The following NKAIN2 variants were observed in gnomAD, a reference collection of about 807,000 sequenced individuals.
NKAIN2 encodes the protein sodium/potassium transporting ATPase interacting 2, also known as sodium/potassium-transporting ATPase subunit beta-1-interacting protein 2.
Under a neutral mutation model 32.6 loss-of-function variants are expected in NKAIN2, and 14 were observed. The observed-to-expected ratio is 0.43, with a 90% CI of 0.28 to 0.67. The LOEUF (loss-of-function observed/expected upper bound fraction) is 0.67. Ranked by LOEUF, NKAIN2 falls within the 30% of genes least tolerant of loss-of-function variation. The pLI is 0.17. For missense variants in NKAIN2, 198 were observed against 258.3 expected (o/e 0.77, Z 1.60); for synonymous variants, 80 against 87.2 (o/e 0.92, Z 0.46).
At chr6:123,967,066 C>A (rs1405358207) in intron 1 of NKAIN2, among the ~76,000 whole-genome samples, 6 of 152,078 alleles carry the variant, frequency 3.9e-5, no homozygotes, top group Non-Finnish European at 8.8e-5. Flanking sequence ...TCATTAGATC[C>A]CAAAGATAAC....
At chr6:123,875,009 C>T (rs1205939230) in intron 1 of NKAIN2, among the ~76,000 whole-genome samples, 7 of 151,786 alleles carry the variant, frequency 4.6e-5, no homozygotes, top group Non-Finnish European at 1.0e-4. Context: ...ACTGTTTGTA[C>T]TATTTTATAC....
chr6:124,552,662 G>GA (rs1384132216), intron 3 of NKAIN2, among the ~76,000 whole-genome samples: 2 of 152,172 alleles, frequency 1.3e-5, no homozygotes, highest in East Asian at 3.8e-4. Context: ...ATTTAAGCAG[G>GA]AAAAAATCTT....
At chr6:124,622,052 A>AAAC (rs1482151138) in intron 3 of NKAIN2, among the ~76,000 whole-genome samples, 1 of 152,226 alleles carries the variant, frequency 6.6e-6, no homozygotes, top group Non-Finnish European at 1.5e-5. Context: ...AAAAGGACAT[A>AAAC]AACTTTTTCT....
At chr6:124,224,181 A>T (rs969869999) in intron 1 of NKAIN2, among the ~76,000 whole-genome samples, 3 of 152,256 alleles carry the variant, frequency 2.0e-5, no homozygotes, top group Non-Finnish European at 4.4e-5. Flanking sequence ...TACAGTATGC[A>T]CATATTTTCA....
chr6:124,701,569 A>T (rs889563134), intron 4 of NKAIN2, among the ~76,000 whole-genome samples: 5 of 152,136 alleles, frequency 3.3e-5, no homozygotes, highest in African/African-American at 1.2e-4. Flanking sequence ...TGATAAAGTG[A>T]GTTAACTGGG....
At chr6:124,202,599 C>A (rs1790646287) in intron 1 of NKAIN2, among the ~76,000 whole-genome samples, 1 of 151,906 alleles carries the variant, frequency 6.6e-6, no homozygotes, top group African/African-American at 2.4e-5. Context: ...AATCCTGATA[C>A]TATTACTTAT....
chr6:123,962,468 A>G lies in NKAIN2; in HGVS notation c.54+158214A>G, dbSNP rs1347669122. On this transcript the variant is annotated intron_variant, in intron 1 of 6. Coordinates refer to ENST00000368417, the MANE Select transcript of NKAIN2 (RefSeq NM_001040214.3). Reference sequence around the variant, plus strand: ...TCCTGAGTCCTTTATAACCCTATTCATATTTTCAATTGCTGATGCCTCTTT... The same window carrying G: ...TCCTGAGTCCTTTATAACCCTATTCGTATTTTCAATTGCTGATGCCTCTTT... Among the ~76,000 whole-genome samples the G allele has an allele frequency of 2.0e-5, 3 of 152,266 alleles. No homozygotes were observed. The East Asian group carries it at 5.8e-4, about 29-fold the overall frequency.
At chr6:124,655,617 G>A (rs1784513287) in intron 3 of NKAIN2, among the ~76,000 whole-genome samples, 1 of 152,038 alleles carries the variant, frequency 6.6e-6, no homozygotes, top group African/African-American at 2.4e-5. Context: ...GACAGTCCCG[G>A]GCATAATGGG....
intron 3 of NKAIN2, among the ~76,000 whole-genome samples, chr6:124,419,721 T>C (rs1774661301): frequency 6.6e-6 from 1 of 152,182 alleles, no homozygotes; most frequent in African/African-American, 2.4e-5. Context: ...TCCCTCTTTG[T>C]TCCTTTCTGA....
intron 1 of NKAIN2, among the ~76,000 whole-genome samples, chr6:123,978,242 A>G (rs1205622385): frequency 1.3e-5 from 2 of 152,204 alleles, no homozygotes; most frequent in Non-Finnish European, 2.9e-5. Flanking sequence ...AAAAAAAGTG[A>G]GACGTCTCAG....
chr6:124,755,633 G>T (rs980481104), intron 4 of NKAIN2, among the ~76,000 whole-genome samples: 3 of 152,062 alleles, frequency 2.0e-5, no homozygotes, highest in Non-Finnish European at 4.4e-5. Context: ...TACCGCATTT[G>T]CTCACTTATA....
Position 124,568,484 on chromosome 6 carries a change from T to C in NKAIN2, c.274-89702T>C, listed in dbSNP as rs1291819857. On this transcript the variant is annotated intron_variant, in intron 3 of 6. Transcript: ENST00000368417. ...GGATGGCTAATATTATTTTCATTTA[T>C]AGATGAAAAAACTGAGTCTCATATA... 2.6e-5 allele frequency among the ~76,000 whole-genome samples: 4 copies of C among 152,304 alleles called. No homozygotes were observed. In the South Asian group the frequency reaches 6.2e-4, roughly 24 times the overall value.
intron 2 of NKAIN2, among the ~76,000 whole-genome samples, chr6:124,340,844 A>G (rs192529354): frequency 1.3e-5 from 2 of 152,298 alleles, no homozygotes; most frequent in Non-Finnish European, 2.9e-5. Flanking sequence ...ATAGGAATGT[A>G]AATATCTTGG....
intron 3 of NKAIN2, among the ~76,000 whole-genome samples, chr6:124,419,312 A>G (rs1363007602): frequency 6.6e-6 from 1 of 152,074 alleles, no homozygotes; most frequent in Non-Finnish European, 1.5e-5. Context: ...AGAAACAGTG[A>G]CTCTGAAGTC....
At position 123,922,316 on chromosome 6, in the gene NKAIN2, T is replaced by C. The variant is rs539881193; in HGVS notation, c.54+118062T>C. Among the ~76,000 whole-genome samples the C allele has an allele frequency of 1.2e-4, 19 of 152,292 alleles. 1 individual carries two copies. In the South Asian group the frequency reaches 3.7e-3, roughly 30 times the overall value. On this transcript the variant is annotated intron_variant, in intron 1 of 6. Transcript: ENST00000368417. The stretch of plus-strand genomic sequence containing the variant: ...GAAATGAGAATTGGAGAGCTTGTAT[T>C]GAAAATAAATCCTCACCTGGATTAA...
chr6:123,922,934 G>A (rs949761776), intron 1 of NKAIN2, among the ~76,000 whole-genome samples: 6 of 152,170 alleles, frequency 3.9e-5, no homozygotes, highest in Admixed American at 3.3e-4. Context: ...TGAAATACAT[G>A]TAATTATTTT....
intron 4 of NKAIN2, among the ~76,000 whole-genome samples, chr6:124,729,176 G>C (rs1025029844): frequency 1.3e-5 from 2 of 152,068 alleles, no homozygotes; most frequent in African/African-American, 4.8e-5. Context: ...CCAATCAATA[G>C]AAAAAGAGGA....
intron 3 of NKAIN2, among the ~76,000 whole-genome samples, chr6:124,603,198 A>G (rs538697700): frequency 2.7e-4 from 41 of 152,086 alleles, no homozygotes; most frequent in Admixed American, 5.9e-4. Context: ...TTTTATTCAC[A>G]AGATCTTATA....
chr6:124,717,019 T>C (rs1416466605), intron 4 of NKAIN2, among the ~76,000 whole-genome samples: 5 of 152,190 alleles, frequency 3.3e-5, no homozygotes, highest in Admixed American at 2.6e-4. Context: ...TGTAGGTGTT[T>C]GTAAGCAAAT....
Sources: gnomAD v4.1 joint callset for allele counts (sites outside exome capture counted in the v4.1 genomes callset) on GRCh38, gnomAD v4.1.1 for gene constraint, MANE v1.5 for transcripts, NCBI Gene and HGNC (gene_info 2026-07-23, HGNC 2026-07-21) for gene names.